The following CNTN5 variants were observed in gnomAD, a reference collection of about 807,000 sequenced individuals.
CNTN5 encodes the protein contactin 5, also known as contactin-5.
CNTN5 carries 77 observed loss-of-function variants against 129.1 expected under a neutral mutation model. The observed-to-expected ratio is 0.60, with a 90% CI of 0.50 to 0.72. The LOEUF (loss-of-function observed/expected upper bound fraction) is 0.72, where lower values mean the gene tolerates loss of function less well. CNTN5 is among the 30% of genes least tolerant of loss of function. The probability of loss-of-function intolerance (pLI) is 0.00; values close to 1 mark genes in which losing one functional copy is unlikely to be tolerated. For missense variants in CNTN5, 1,478 were observed against 1,328.8 expected (o/e 1.11, Z -1.75); for synonymous variants, 509 against 465.6 (o/e 1.09, Z -1.20).
chr11:100,220,643 G>C (rs1949244472), intron 15 of CNTN5, among the ~76,000 whole-genome samples: 1 of 152,074 alleles, frequency 6.6e-6, no homozygotes, highest in African/African-American at 2.4e-5. Context: ...CCCTTCAACA[G>C]ATAAATTTTA....
At chr11:99,147,528 A>G (rs940199734) in intron 1 of CNTN5, among the ~76,000 whole-genome samples, 6 of 152,188 alleles carry the variant, frequency 3.9e-5, no homozygotes, top group African/African-American at 1.4e-4. Flanking sequence ...TTCAGGAGCA[A>G]TGGCATGATT....
intron 3 of CNTN5, among the ~76,000 whole-genome samples, chr11:99,558,510 G>A (rs1183618542): frequency 2.6e-5 from 4 of 151,890 alleles, no homozygotes; most frequent in Non-Finnish European, 5.9e-5. Context: ...AAGAAAGAAG[G>A]TGGTGTTCTA....
chr11:99,568,264 C>T (rs1005804894), intron 3 of CNTN5, among the ~76,000 whole-genome samples: 1 of 152,054 alleles, frequency 6.6e-6, no homozygotes, highest in Non-Finnish European at 1.5e-5. Flanking sequence ...ATACATCCTT[C>T]CTGATAGAAG....
rs114927420 is a variant in CNTN5, at chr11:99,677,210, G to A, written c.55+120941G>A. On this transcript the variant is annotated intron_variant, in intron 3 of 24. Transcript: ENST00000524871. The stretch of plus-strand genomic sequence containing the variant: ...CAAAATGAATTATGTTTTATTGGCC[G>A]TCGCTCAGACAGGAGAAAATAATGT... Among the ~76,000 whole-genome samples, 677 of 152,250 alleles carry A rather than the reference G, an allele frequency of 4.4e-3. 5 individuals carry two copies. The highest frequency in any genetic ancestry group is 0.015 in the African/African-American group (642 of 41,554).
intron 2 of CNTN5, among the ~76,000 whole-genome samples, chr11:99,434,746 G>A (rs756583573): frequency 6.6e-6 from 1 of 152,080 alleles, no homozygotes; most frequent in South Asian, 2.1e-4. Flanking sequence ...ATTTTCAGAA[G>A]CATATTTCTG....
intron 8 of CNTN5, among the ~76,000 whole-genome samples, chr11:99,962,728 G>A (rs970185817): frequency 1.7e-4 from 26 of 151,356 alleles, no homozygotes; most frequent in African/African-American, 6.3e-4. Flanking sequence ...CTGAGGAATC[G>A]CCACACTGAC....
rs553540845 is a variant in CNTN5 at position 99,744,543 on chromosome 11, TAAAAAAAAAAA to T, written c.56-74981_56-74971del. On this transcript the variant is annotated intron_variant, in intron 3 of 24. Coordinates refer to ENST00000524871, the MANE Select transcript of CNTN5 (RefSeq NM_014361.4). ...GCAAAACCCCGTCTCTACAAAAAGT[TAAAAAAAAAAA>T]AAAAAAAAAAAAAAAAAAAGCTGGG... 1.8e-3 allele frequency among the ~76,000 whole-genome samples: 68 copies of T among 37,496 alleles called. 1 individual carries two copies. In the South Asian group the frequency reaches 0.074, roughly 41 times the overall value. 24.6% of individuals were successfully genotyped at this position (37,496 alleles called of 152,430 possible).
intron 7 of CNTN5, among the ~76,000 whole-genome samples, chr11:99,937,234 G>A (rs575095854): frequency 3.7e-4 from 57 of 152,324 alleles, no homozygotes; most frequent in African/African-American, 1.3e-3. Context: ...GCCCATGTAT[G>A]ATGGGGAGAC....
intron 3 of CNTN5, among the ~76,000 whole-genome samples, chr11:99,786,762 C>T (rs1474164023): frequency 2.0e-5 from 3 of 152,120 alleles, no homozygotes; most frequent in African/African-American, 7.2e-5. Context: ...AGAAAGGATT[C>T]CCTATTTAGT....
At chr11:100,012,907 C>T (rs571619365) in intron 9 of CNTN5, among the ~76,000 whole-genome samples, 3 of 152,212 alleles carry the variant, frequency 2.0e-5, no homozygotes, top group East Asian at 1.9e-4. Flanking sequence ...AAGTTAATCT[C>T]CCAGGAATTT....
intron 13 of CNTN5, among the ~76,000 whole-genome samples, chr11:100,165,458 T>TA (rs3031273): frequency 1.7e-4 from 3 of 17,518 alleles, no homozygotes; most frequent in Non-Finnish European, 2.5e-4. Context: ...GAAAAGTGAC[T>TA]AATGTATCAA....
intron 13 of CNTN5, among the ~76,000 whole-genome samples, chr11:100,176,595 T>G (rs1361557721): frequency 1.3e-5 from 2 of 151,764 alleles, no homozygotes; most frequent in African/African-American, 4.8e-5. Flanking sequence ...TAAGGATGAG[T>G]TCAGGCAGAT....
At position 99,986,303 on chromosome 11, in the gene CNTN5, A is replaced by G. The variant is rs1262685975; in HGVS notation, c.878-15731A>G. On this transcript the variant is annotated intron_variant, in intron 8 of 24. Coordinates refer to ENST00000524871, the MANE Select transcript of CNTN5 (RefSeq NM_014361.4). ...CCTCAGCCTATGCCCCATTCATTTC[A>G]TGATTATATCCATATAGCTGAGTAT... 3.9e-5 allele frequency among the ~76,000 whole-genome samples: 6 copies of G among 152,192 alleles called. No homozygotes were observed. The East Asian group carries it at 1.2e-3, about 29-fold the overall frequency.
intron 1 of CNTN5, among the ~76,000 whole-genome samples, chr11:99,296,692 G>C (rs1423048838): frequency 1.3e-5 from 2 of 152,160 alleles, no homozygotes; most frequent in African/African-American, 4.8e-5. Context: ...GGTTTCTGGT[G>C]CCTCCTGTTT....
At chr11:99,189,999 CT>C (rs1386966558) in intron 1 of CNTN5, among the ~76,000 whole-genome samples, 1 of 151,506 alleles carries the variant, frequency 6.6e-6, no homozygotes, top group Non-Finnish European at 1.5e-5. Context: ...TGTCATGAAA[CT>C]TTTCCCTGTA....
chr11:99,870,204 AT>A lies in CNTN5; in HGVS notation c.577+24951del, dbSNP rs202062137. The stretch of plus-strand genomic sequence containing the variant: ...TAGCATGAAGAAGAAGAAAGACGTG[AT>A]TTTTTTTTAACTGAAGGCAAAAGGT... On this transcript the variant is annotated intron_variant, in intron 6 of 24. Transcript: ENST00000524871. Among the ~76,000 whole-genome samples, 9 of 151,550 alleles carry A rather than the reference AT, an allele frequency of 5.9e-5. No individual in the cohort carries two copies. The East Asian group carries it at 1.2e-3, about 20-fold the overall frequency.
chr11:100,037,069 A>G (rs1321956222), intron 9 of CNTN5, among the ~76,000 whole-genome samples: 7 of 152,010 alleles, frequency 4.6e-5, no homozygotes, highest in Non-Finnish European at 7.4e-5. Context: ...GAATGCTTCC[A>G]GTTTTTGCCC....
intron 3 of CNTN5, among the ~76,000 whole-genome samples, chr11:99,630,619 T>C (rs896170251): frequency 7.9e-5 from 12 of 152,242 alleles, no homozygotes; most frequent in African/African-American, 2.9e-4. Context: ...TTAGTCACAA[T>C]TCAGGTCTGC....
chr11:100,074,247 A>G lies in CNTN5; in HGVS notation c.1533A>G (p.Pro511=). 6.2e-7 allele frequency: 1 copy of G among 1,610,936 alleles called. No individual in the cohort carries two copies. Among genetic ancestry groups the G allele is most frequent in the Non-Finnish European group, 8.5e-7 (1 of 1,178,312 alleles). The change falls in exon 13 of 25, where the codon CCA becomes CCG. Residue 511 remains proline, a synonymous_variant. Transcript: ENST00000524871. ...GCAAACCCCAAGGCTCTCCAAAACC[A>G]ACCATCTCTTGGAAGAAAGGAGACA... ...IECKPQGSPK[P]TISWKKGDRA... is the part of the protein sequence containing the mutation.
Sources: gnomAD v4.1 joint callset for allele counts (sites outside exome capture counted in the v4.1 genomes callset) on GRCh38, gnomAD v4.1.1 for gene constraint, MANE v1.5 for transcripts, NCBI Gene and HGNC (gene_info 2026-07-23, HGNC 2026-07-21) for gene names.